Variants in ME3 observed in about 807,000 individuals in gnomAD.
The protein encoded by ME3 is NADP-dependent malic enzyme, mitochondrial.
Under a neutral mutation model 68.9 loss-of-function variants are expected in ME3, and 48 were observed. That is an observed-to-expected ratio of 0.70 (90% CI 0.55 to 0.89). The LOEUF (loss-of-function observed/expected upper bound fraction) is 0.89. Ranked by LOEUF, ME3 falls within the 40% of genes least tolerant of loss-of-function variation. The probability of loss-of-function intolerance (pLI) is 0.00; values close to 1 mark genes in which losing one functional copy is unlikely to be tolerated. For missense variants in ME3, 675 were observed against 797.4 expected (o/e 0.85, Z 1.85); for synonymous variants, 320 against 318.8 (o/e 1.00, Z -0.04).
chr11:86,665,164 A>G (rs1946514483), intron 2 of ME3, among the ~76,000 whole-genome samples: 1 of 152,256 alleles, frequency 6.6e-6, no homozygotes, highest in African/African-American at 2.4e-5. Context: ...TGATACATCA[A>G]TGAACAAACA....
At chr11:86,627,367 G>A (rs1943728649) in intron 2 of ME3, among the ~76,000 whole-genome samples, 1 of 152,200 alleles carries the variant, frequency 6.6e-6, no homozygotes, top group South Asian at 2.1e-4. Context: ...TGGGTATAAG[G>A]ACTGTTGCTG....
intron 4 of ME3, among the ~76,000 whole-genome samples, chr11:86,521,095 A>G (rs1204056190): frequency 6.6e-6 from 1 of 152,204 alleles, no homozygotes; most frequent in African/African-American, 2.4e-5. Flanking sequence ...GCTTATTATT[A>G]AAATGTAGCT....
intron 2 of ME3, among the ~76,000 whole-genome samples, chr11:86,604,477 C>T (rs1478724959): frequency 6.6e-6 from 1 of 152,114 alleles, no homozygotes; most frequent in Non-Finnish European, 1.5e-5. Context: ...TCCCTCCATC[C>T]ATATAACCAT....
chr11:86,605,957 G>T (rs1035834873), intron 2 of ME3, among the ~76,000 whole-genome samples: 1 of 152,010 alleles, frequency 6.6e-6, no homozygotes, highest in Admixed American at 6.6e-5. Flanking sequence ...TCCCACAAGT[G>T]CCCAGAAAAA....
chr11:86,574,922 T>TTGC (rs370392363), intron 2 of ME3, among the ~76,000 whole-genome samples: 1 of 148,664 alleles, frequency 6.7e-6, no homozygotes, highest in African/African-American at 2.6e-5. Flanking sequence ...TGTGAAGGTA[T>TTGC]CTGCAAATTC....
chr11:86,438,548 G>A (rs1227141156), downstream of ME3, among the ~76,000 whole-genome samples: 1 of 152,118 alleles, frequency 6.6e-6, no homozygotes. Context: ...CATAATTGGT[G>A]TTATTACTTA....
intron 5 of ME3, 33 bp from the exon 6 acceptor site, chr11:86,498,157 C>T (rs1387027361): frequency 1.9e-6 from 3 of 1,586,802 alleles, no homozygotes; most frequent in Non-Finnish European, 2.6e-6. Flanking sequence ...CAATCAGGGA[C>T]AGCACTTCCT....
At chr11:86,500,153 G>A (rs1324489986) in intron 5 of ME3, among the ~76,000 whole-genome samples, 1 of 152,210 alleles carries the variant, frequency 6.6e-6, no homozygotes, top group Non-Finnish European at 1.5e-5. Context: ...GCCTCTGGGT[G>A]TCCAAACTCT....
chr11:86,595,516 C>T (rs975356775), intron 2 of ME3, among the ~76,000 whole-genome samples: 3 of 116,874 alleles, frequency 2.6e-5, no homozygotes, highest in African/African-American at 9.7e-5. Flanking sequence ...CTCTTAAACA[C>T]TATCCTATAA....
intron 2 of ME3, among the ~76,000 whole-genome samples, chr11:86,652,112 G>T (rs565741620): frequency 6.6e-6 from 1 of 152,160 alleles, no homozygotes; most frequent in Admixed American, 6.5e-5. Flanking sequence ...CCAAATCTAC[G>T]TCTGACTGGT....
At chr11:86,458,939 A>C (rs1950090138) in intron 8 of ME3, among the ~76,000 whole-genome samples, 1 of 152,164 alleles carries the variant, frequency 6.6e-6, no homozygotes, top group African/African-American at 2.4e-5. Flanking sequence ...ATTATCTTCC[A>C]GGGATGTATT....
At chr11:86,608,052 T>C (rs1158334408) in intron 2 of ME3, among the ~76,000 whole-genome samples, 1 of 152,158 alleles carries the variant, frequency 6.6e-6, no homozygotes, top group East Asian at 1.9e-4. Context: ...TCAGAATTGA[T>C]TAATTTAAAC....
intron 4 of ME3, among the ~76,000 whole-genome samples, chr11:86,531,408 A>C (rs946444117): frequency 1.1e-4 from 17 of 152,192 alleles, no homozygotes; most frequent in South Asian, 4.1e-4. Context: ...GTGGGACTGT[A>C]AACTAGTTCA....
intron 2 of ME3, among the ~76,000 whole-genome samples, chr11:86,641,311 G>C (rs533735603): frequency 1.3e-5 from 2 of 152,266 alleles, no homozygotes; most frequent in African/African-American, 4.8e-5. Flanking sequence ...CCACAGAAAA[G>C]GTTATTTGAC....
chr11:86,588,348 A>G (rs572372565), intron 2 of ME3, among the ~76,000 whole-genome samples: 1 of 152,350 alleles, frequency 6.6e-6, no homozygotes, highest in African/African-American at 2.4e-5. Flanking sequence ...AACAAGTAAT[A>G]TAACAAGCTG....
In ME3 at chr11:86,528,496, C is replaced by T. The variant is rs551391365; in HGVS notation, c.468-19629G>A. Among the ~76,000 whole-genome samples the T allele has an allele frequency of 2.6e-5, 4 of 152,214 alleles. No individual in the cohort carries two copies. In the South Asian group the frequency reaches 8.3e-4, roughly 32 times the overall value. ...CCCAGGAATTGAACTCAGCTCTGCACCAAGTGGACCTAATAGACATCTACA... is the reference window on the plus strand; with the variant it reads ...CCCAGGAATTGAACTCAGCTCTGCATCAAGTGGACCTAATAGACATCTACA... On this transcript the variant is annotated intron_variant, in intron 4 of 14. Transcript: ENST00000543262.
intron 5 of ME3, among the ~76,000 whole-genome samples, chr11:86,500,463 A>G (rs1268593636): frequency 1.3e-5 from 2 of 152,220 alleles, no homozygotes; most frequent in African/African-American, 4.8e-5. Flanking sequence ...TTATTCCAAC[A>G]GTTTCACAAC....
chr11:86,560,734 G>GTATATA, intron 2 of ME3, among the ~76,000 whole-genome samples: 1 of 54,104 alleles, frequency 1.8e-5, no homozygotes, highest in Non-Finnish European at 4.3e-5. Flanking sequence ...GTATGTGTGT[G>GTATATA]TGTGTGTGTG....
chr11:86,489,192 A>G (rs1951854948), intron 6 of ME3: 1 of 152,156 alleles, frequency 6.6e-6, no homozygotes, highest in African/African-American at 2.4e-5. Flanking sequence ...GCAGGACACA[A>G]AGATAAGGAC....
Sources: gnomAD v4.1 joint callset for allele counts (sites outside exome capture counted in the v4.1 genomes callset) on GRCh38, gnomAD v4.1.1 for gene constraint, MANE v1.5 for transcripts, NCBI Gene and HGNC (gene_info 2026-07-23, HGNC 2026-07-21) for gene names.